ZNF516: variants seen among roughly 807,000 people sequenced by gnomAD.
ZNF516 encodes zinc finger protein 516.
In ZNF516, 19 loss-of-function variants were observed where a neutral mutation model predicts 79.7. The ratio of observed to expected loss-of-function variants is 0.24; its 90% CI spans 0.17 to 0.35. The LOEUF is 0.35. Among genes scored for constraint, ZNF516 ranks in the 10% least tolerant of loss-of-function variants. The pLI is 1.00. For synonymous variants in ZNF516, 877 were observed against 739.5 expected, an observed-to-expected ratio of 1.19 and a Z score of -3.02; for missense variants, 1,678 against 1,679.5, an observed-to-expected ratio of 1.00 and a Z score of 0.02.
intron 3 of ZNF516, among the ~76,000 whole-genome samples, chr18:76,422,286 G>A (rs1368504090): frequency 2.6e-5 from 4 of 152,200 alleles, no homozygotes; most frequent in South Asian, 2.1e-4. Flanking sequence ...TGCGGAGAGC[G>A]GGCCGGTCCC....
At chr18:76,450,015 A>G (rs1424027689) in intron 2 of ZNF516, among the ~76,000 whole-genome samples, 1 of 152,256 alleles carries the variant, frequency 6.6e-6, no homozygotes, top group Non-Finnish European at 1.5e-5. Flanking sequence ...ACTGGATATT[A>G]CAGGATATTT....
At chr18:76,477,766 C>CA (rs1323701883) in intron 1 of ZNF516, among the ~76,000 whole-genome samples, 4 of 152,002 alleles carry the variant, frequency 2.6e-5, no homozygotes, top group African/African-American at 9.6e-5. Flanking sequence ...ACAAACAACA[C>CA]AAAAAAACCT....
chr18:76,440,721 G>A (rs2075802768), intron 3 of ZNF516, among the ~76,000 whole-genome samples: 1 of 138,888 alleles, frequency 7.2e-6, no homozygotes. Context: ...CTGGAGTGGA[G>A]GAAAGTGTGT....
intron 2 of ZNF516, among the ~76,000 whole-genome samples, chr18:76,455,643 T>TCAC (rs1448680607): frequency 2.0e-5 from 3 of 152,140 alleles, no homozygotes; most frequent in Non-Finnish European, 4.4e-5. Flanking sequence ...AAAATTACAT[T>TCAC]CACCTTCATG....
intron 1 of ZNF516, chr18:76,492,345 G>A: frequency 1.0e-6 from 1 of 985,490 alleles, no homozygotes; most frequent in Non-Finnish European, 1.2e-6. Context: ...TAAGTCAGCT[G>A]CAAGCGTGGG....
At position 76,359,819 on chromosome 18, in the gene ZNF516, T is replaced by C. The variant is rs965331124; in HGVS notation, c.*2679A>G. On this transcript the variant is annotated 3_prime_UTR_variant, in exon 7 of 7. Coordinates refer to ENST00000443185, the MANE Select transcript of ZNF516 (RefSeq NM_014643.4). ...CGTACAGAAGTGTATCATGCAGAAATTACCATTCGGAAAAAAAAAGGCAAT... is the reference window on the plus strand; with the variant it reads ...CGTACAGAAGTGTATCATGCAGAAACTACCATTCGGAAAAAAAAAGGCAAT... The C allele has an allele frequency of 6.7e-6, 1 of 148,340 alleles. No individual in the cohort carries two copies. The highest frequency in any genetic ancestry group is 2.6e-5 in the African/African-American group (1 of 37,764). 9.2% of individuals were successfully genotyped at this position (148,340 alleles called of 1,614,324 possible).
In ZNF516 at chr18:76,441,676, C is replaced by T. The variant is rs776957507; in HGVS notation, c.1379G>A (p.Ser460Asn). Residue 460 changes from serine to asparagine, a missense_variant, in exon 3 of 7, where the codon AGC becomes AAC. By Grantham distance (46) the Ser-to-Asn change is conservative (BLOSUM62 1). This residue lies in a region of ZNF516 where 1,294 missense variants were observed against 1,248.3 expected (regional missense o/e 1.04). Coordinates refer to ENST00000443185, the MANE Select transcript of ZNF516 (RefSeq NM_014643.4). ...CTGCTCACGCTTGCGCTTCTCCTGG[C>T]TCACCAGGACGTACTCGCGCCTGTC... ...DKDRREYVLV[S>N]QEKRKREQDA... 274 of 1,555,036 alleles carry T rather than the reference C, an allele frequency of 1.8e-4. 1 individual carries two copies. The highest frequency in any genetic ancestry group is 2.2e-4 in the Non-Finnish European group (254 of 1,152,344).
chr18:76,492,457 G>C (rs1915287353), intron 1 of ZNF516: 1 of 738,382 alleles, frequency 1.4e-6, no homozygotes, highest in South Asian at 6.1e-5. Flanking sequence ...AACTTTCACT[G>C]GCCACGAGCG....
chr18:76,369,680 C>T (rs950408122), intron 6 of ZNF516, among the ~76,000 whole-genome samples: 13 of 152,146 alleles, frequency 8.5e-5, no homozygotes, highest in South Asian at 2.1e-4. Context: ...GATATTTCAG[C>T]GCAGGGACAC....
At chr18:76,397,443 A>G (rs1341476602) in intron 3 of ZNF516, among the ~76,000 whole-genome samples, 4 of 152,224 alleles carry the variant, frequency 2.6e-5, no homozygotes, top group African/African-American at 9.6e-5. Flanking sequence ...GTATTATAAA[A>G]TTTTGATAAA....
In ZNF516 at chr18:76,441,952, G is replaced by A. The variant is rs1911690502; in HGVS notation, c.1103C>T (p.Pro368Leu). The change falls in exon 3 of 7, where the codon CCG (proline) becomes CTG (leucine). Residue 368 changes from proline to leucine, a missense_variant. Physicochemically the swap from Pro to Leu is moderately conservative, Grantham distance 98. Transcript: ENST00000443185. ...GGGCCCCTCCGCCCCCTCCTCGGCCGGGGCGCGCGTGCGGCTGGCCTCGAC... is the reference window on the plus strand; with the variant it reads ...GGGCCCCTCCGCCCCCTCCTCGGCCAGGGCGCGCGTGCGGCTGGCCTCGAC... Reference protein sequence around the residue: ...RRVEASRTRAPAEEGAEGPSD... With the variant: ...RRVEASRTRALAEEGAEGPSD... The A allele has an allele frequency of 1.2e-6, 2 of 1,611,714 alleles. No homozygotes were observed.
chr18:76,441,177 T>A (rs956044501), intron 3 of ZNF516, 68 bp downstream of exon 3: 2 of 1,534,946 alleles, frequency 1.3e-6, no homozygotes, highest in Non-Finnish European at 1.8e-6. Context: ...AGTATACGTT[T>A]ACCTGGAAGC....
intron 3 of ZNF516, among the ~76,000 whole-genome samples, chr18:76,440,786 T>C (rs904389818): frequency 1.4e-5 from 2 of 147,402 alleles, no homozygotes; most frequent in African/African-American, 5.2e-5. Context: ...ATGCATCGTA[T>C]GGTGAGAACT....
intron 3 of ZNF516, among the ~76,000 whole-genome samples, chr18:76,438,985 C>T (rs909834694): frequency 6.6e-6 from 1 of 152,182 alleles, no homozygotes; most frequent in African/African-American, 2.4e-5. Flanking sequence ...TTTAAAATAA[C>T]CTAACACTTA....
chr18:76,388,668 G>C (rs368365201), intron 3 of ZNF516: 1 of 152,230 alleles, frequency 6.6e-6, no homozygotes, highest in Non-Finnish European at 1.5e-5. Context: ...AGAAGTTTTC[G>C]ATGAGATGCA....
At chr18:76,376,029 AG>A (rs1386558209) in intron 4 of ZNF516, among the ~76,000 whole-genome samples, 1 of 152,258 alleles carries the variant, frequency 6.6e-6, no homozygotes, top group Non-Finnish European at 1.5e-5. Flanking sequence ...CCAAGAGACC[AG>A]GTAGAGGATG....
At chr18:76,399,023 C>T (rs561640519) in intron 3 of ZNF516, among the ~76,000 whole-genome samples, 18 of 152,282 alleles carry the variant, frequency 1.2e-4, no homozygotes, top group African/African-American at 3.9e-4. Context: ...CTCTGTCCTC[C>T]GTGACAGAGG....
At chr18:76,492,439 G>A (rs1915286380) in intron 1 of ZNF516, 3 of 908,878 alleles carry the variant, frequency 3.3e-6, no homozygotes, top group South Asian at 1.0e-4. Flanking sequence ...GAGGCGGGTG[G>A]GCAGCCGAAC....
chr18:76,491,214 C>T (rs1199231456), intron 1 of ZNF516, among the ~76,000 whole-genome samples: 1 of 150,866 alleles, frequency 6.6e-6, no homozygotes, highest in Non-Finnish European at 1.5e-5. Context: ...GCGCGGACCC[C>T]CGCCTGCCCC....
Sources: allele counts gnomAD v4.1 joint callset (sites outside exome capture counted in the v4.1 genomes callset), GRCh38; gene constraint gnomAD v4.1.1; regional missense constraint gnomAD v4.1.1; transcripts MANE v1.5; gene names NCBI Gene and HGNC (gene_info 2026-07-23, HGNC 2026-07-21).